RAB37: variants seen among roughly 807,000 people sequenced by gnomAD.
RAB37 encodes ras-related protein Rab-37.
A neutral mutation model predicts 33.1 loss-of-function variants in RAB37; 29 were observed. That is an observed-to-expected ratio of 0.88 (90% CI 0.65 to 1.20). RAB37 has a LOEUF of 1.20. RAB37 is among the 50% of genes most tolerant of loss of function. The pLI, the probability that RAB37 is intolerant of heterozygous loss-of-function variation, is 0.00. For missense variants in RAB37, 299 were observed against 301.1 expected (o/e 0.99, Z 0.05); for synonymous variants, 128 against 119.5 (o/e 1.07, Z -0.47).
chr17:74,745,140 T>G lies in RAB37; in HGVS notation c.566+56T>G. On this transcript the variant is annotated intron_variant, in intron 8 of 8. Transcript: ENST00000392613. The surrounding 1 kb of genome is among the most constrained non-coding windows in gnomAD (Gnocchi z 4.5). ...GGGGCAGGGCGGCACACTCCAGGAA[T>G]CCAGTAGGGCCCGGCCCCTGGCCCA... 1 of 1,594,078 alleles carries G rather than the reference T, an allele frequency of 6.3e-7. No homozygotes were observed. Among genetic ancestry groups the G allele is most frequent in the Non-Finnish European group, 8.6e-7 (1 of 1,163,156 alleles).
chr17:74,698,717 T>C (rs1159377516), intron 1 of RAB37: 1 of 1,012,582 alleles, frequency 9.9e-7, no homozygotes, highest in Non-Finnish European at 1.4e-6. Context: ...GGATGGAGGG[T>C]GGGAGGAAGC....
At position 74,745,277 on chromosome 17, in the gene RAB37, C is replaced by A; in HGVS notation, c.567-29C>A. ...GCTCCTCACCCCAGCCCAGCCCAGC[C>A]CAGCCCAGCCCATTGTCTCTTCTTC... is the stretch of plus-strand genomic sequence containing the variant. On this transcript the variant is annotated intron_variant, in intron 8 of 8. Transcript: ENST00000392613. This position sits in a 1 kb window ranked among gnomAD's most constrained non-coding sequence, Gnocchi z 4.5. The A allele has an allele frequency of 6.2e-7, 1 of 1,607,096 alleles. No homozygotes were observed. The highest frequency in any genetic ancestry group is 8.5e-7 in the Non-Finnish European group (1 of 1,174,018).
intron 1 of RAB37, chr17:74,702,985 T>G: frequency 1.4e-5 from 19 of 1,403,966 alleles, no homozygotes; most frequent in East Asian, 2.3e-5. Context: ...GAGTTCTCCA[T>G]TGGAGGAGTT....
intron 1 of RAB37, among the ~76,000 whole-genome samples, chr17:74,722,145 T>C (rs1332008377): frequency 6.6e-6 from 1 of 151,594 alleles, no homozygotes; most frequent in Non-Finnish European, 1.5e-5. Flanking sequence ...TAGCCGGGCG[T>C]GGTGGCGGGC....
Position 74,737,302 on chromosome 17 carries a change from C to T in RAB37, c.30C>T (p.Thr10=), listed in dbSNP as rs770784411. 3.8e-6 allele frequency: 6 copies of T among 1,576,292 alleles called. No individual in the cohort carries two copies. The African/African-American group carries it at 5.4e-5, about 14-fold the overall frequency. The change falls in exon 1 of 9, where the codon ACC becomes ACT. Residue 10 remains threonine, a synonymous_variant. Transcript: ENST00000392613. ...CGGGCACGCCAGGCGCCGTTGCCAC[C>T]CGGGATGGCGAGGCCCCCGAGCGCT... The part of the protein sequence containing the change: MTGTPGAVA[T]RDGEAPERSP...
At chr17:74,736,721 T>G (rs1341408697), upstream of RAB37, 9 of 1,535,710 alleles carry the variant, frequency 5.9e-6, no homozygotes, top group Admixed American at 1.8e-4. Flanking sequence ...GCAGCGTACA[T>G]GTGCTGCAAG....
At chr17:74,721,276 G>A (rs751505716) in intron 1 of RAB37, among the ~76,000 whole-genome samples, 3 of 152,098 alleles carry the variant, frequency 2.0e-5, no homozygotes, top group South Asian at 4.1e-4. Context: ...GCTGCAACAG[G>A]GACATACAGT....
At position 74,744,669 on chromosome 17, in the gene RAB37, T is replaced by C. The variant is rs556518549; in HGVS notation, c.433-204T>C. On this transcript the variant is annotated intron_variant, in intron 6 of 8. Coordinates refer to ENST00000392613, the MANE Select transcript of RAB37 (RefSeq NM_001006638.3). The surrounding 1 kb of genome is among the most constrained non-coding windows in gnomAD (Gnocchi z 4.2). Reference sequence around the variant, plus strand: ...TGCAAAGGGTTAGCCCCAACTGCTGTCCTATTCCAAGACCCTTTACCAAAG... The same window carrying C: ...TGCAAAGGGTTAGCCCCAACTGCTGCCCTATTCCAAGACCCTTTACCAAAG... 5.5e-4 allele frequency: 360 copies of C among 654,588 alleles called. No homozygotes were observed. The highest frequency in any genetic ancestry group is 1.3e-3 in the Admixed American group (50 of 37,802). 40.5% of individuals were successfully genotyped at this position (654,588 alleles called of 1,614,324 possible). A position where few individuals can be genotyped will look rare whatever the true frequency, so the allele number is the denominator to read the frequency against.
chr17:74,671,682 A>C lies in RAB37; in HGVS notation c.72+24A>C. 1 of 1,610,382 alleles carries C rather than the reference A, an allele frequency of 6.2e-7. No homozygotes were observed. The highest frequency in any genetic ancestry group is 8.5e-7 in the Non-Finnish European group (1 of 1,176,646). On this transcript the variant is annotated intron_variant, in intron 1 of 7. Transcript: ENST00000340415. The surrounding 1 kb of genome is among the most constrained non-coding windows in gnomAD (Gnocchi z 5.0). ...AGGTAAACATCTCCTGTATTCCTCA[A>C]CCTAACGTTGGAAGAGGCGCCAGCA...
intron 1 of RAB37, chr17:74,702,985 T>C (rs555420456): frequency 1.4e-5 from 20 of 1,403,984 alleles, no homozygotes; most frequent in East Asian, 9.2e-5. Context: ...GAGTTCTCCA[T>C]TGGAGGAGTT....
chr17:74,737,200 G>T, upstream of RAB37: 1 of 1,531,580 alleles, frequency 6.5e-7, no homozygotes, highest in South Asian at 1.2e-5. Context: ...AGGAGTGGGC[G>T]GGGCGGGGGT....
At chr17:74,718,417 G>T (rs1044618232) in intron 1 of RAB37, among the ~76,000 whole-genome samples, 1 of 151,358 alleles carries the variant, frequency 6.6e-6, no homozygotes, top group African/African-American at 2.4e-5. Flanking sequence ...TAGTGGGTTA[G>T]AGAAAAAAAA....
chr17:74,694,930 C>G, intron 1 of RAB37: 1 of 654,328 alleles, frequency 1.5e-6, no homozygotes, highest in Non-Finnish European at 2.5e-6. Flanking sequence ...TAGAAGCCCC[C>G]TGAGACTTGG....
chr17:74,737,138 G>T, upstream of RAB37: 1 of 1,588,402 alleles, frequency 6.3e-7, no homozygotes. Context: ...GTGTCGTCGA[G>T]GGGGCGACGG....
chr17:74,693,231 G>A (rs1372916904), intron 1 of RAB37, among the ~76,000 whole-genome samples: 1 of 152,196 alleles, frequency 6.6e-6, no homozygotes, highest in East Asian at 1.9e-4. Context: ...CTGGAAAGGA[G>A]GAATAGCAAA....
At chr17:74,704,700 A>T in intron 1 of RAB37, 1 of 1,614,160 alleles carries the variant, frequency 6.2e-7, no homozygotes, top group Non-Finnish European at 8.5e-7. Flanking sequence ...GCTCCTCGAC[A>T]CCACCACTTC....
chr17:74,723,559 A>G (rs558975927), intron 1 of RAB37, among the ~76,000 whole-genome samples: 4 of 151,868 alleles, frequency 2.6e-5, no homozygotes, highest in East Asian at 1.9e-4. Flanking sequence ...TTTCTGTCTG[A>G]ACCACAATTA....
chr17:74,695,083 C>G (rs773262236), intron 1 of RAB37: 3 of 1,609,214 alleles, frequency 1.9e-6, no homozygotes, highest in African/African-American at 2.7e-5. Flanking sequence ...CAAGAAGGAG[C>G]CTGGAGTGCA....
chr17:74,697,908 C>G (rs1344399303), intron 1 of RAB37, among the ~76,000 whole-genome samples: 1 of 152,192 alleles, frequency 6.6e-6, no homozygotes, highest in African/African-American at 2.4e-5. Flanking sequence ...GGGATCCATG[C>G]AGTGTGTGTG....
Sources: gnomAD v4.1 joint callset for allele counts (sites outside exome capture counted in the v4.1 genomes callset) on GRCh38, gnomAD v4.1.1 for gene constraint, Gnocchi (gnomAD v3.1) non-coding constraint, MANE v1.5 for transcripts, NCBI Gene and HGNC (gene_info 2026-07-23, HGNC 2026-07-21) for gene names.